The following CSMD1 variants were observed in gnomAD, a reference collection of about 807,000 sequenced individuals.
CSMD1 encodes CUB and sushi domain-containing protein 1.
In CSMD1, 213 loss-of-function variants were observed where a neutral mutation model predicts 417.5. The observed-to-expected ratio is 0.51, with a 90% confidence interval of 0.46 to 0.57. The LOEUF (loss-of-function observed/expected upper bound fraction) is 0.57. CSMD1 is among the 20% of genes least tolerant of loss of function. CSMD1 has a pLI of 0.00. For missense variants in CSMD1, 6,923 were observed against 4,529.7 expected (o/e 1.53, Z -15.17); for synonymous variants, 2,862 against 1,736.8 (o/e 1.65, Z -16.11).
chr8:4,838,012 A>G (rs541308870), intron 1 of CSMD1, among the ~76,000 whole-genome samples: 2 of 152,166 alleles, frequency 1.3e-5, no homozygotes, highest in South Asian at 2.1e-4. Context: ...TCTCTGTTCT[A>G]TGGGCCCAGG....
Position 3,896,910 on chromosome 8 carries a change from TAAC to T in CSMD1, c.818+100990_818+100992del, listed in dbSNP as rs1391121769. Among the ~76,000 whole-genome samples, 4 of 152,154 alleles carry T rather than the reference TAAC, an allele frequency of 2.6e-5. No homozygotes were observed. In the East Asian group the frequency reaches 7.7e-4, roughly 29 times the overall value. Reference sequence around the variant, plus strand: ...TTCTATTTGATGTTTGGTTCTCCAATAACAACCTCTATCTCACAAATCATGTCA... The same window carrying T: ...TTCTATTTGATGTTTGGTTCTCCAATAACCTCTATCTCACAAATCATGTCA... On this transcript the variant is annotated intron_variant, in intron 5 of 69. Coordinates refer to ENST00000635120, the MANE Select transcript of CSMD1 (RefSeq NM_033225.6).
rs116751866 is a variant in CSMD1, at chr8:3,644,912, T to C, written c.1010-28115A>G. Among the ~76,000 whole-genome samples, 35 of 145,222 alleles carry C rather than the reference T, an allele frequency of 2.4e-4. No homozygotes were observed. The East Asian group carries it at 3.2e-3, about 13-fold the overall frequency. ...GTGATTAGACAAAACACTGGTAGAA[T>C]TGCCCACATTTTCCCTGGAAATTCC... is the stretch of plus-strand genomic sequence containing the variant. On this transcript the variant is annotated intron_variant, in intron 7 of 69. Transcript: ENST00000635120.
intron 9 of CSMD1, among the ~76,000 whole-genome samples, 196 bp downstream of exon 9, chr8:3,585,940 A>T (rs1800580166): frequency 6.6e-6 from 1 of 152,196 alleles, no homozygotes; most frequent in Admixed American, 6.5e-5. Context: ...ACACAAAAAT[A>T]TTCTTGGAAA....
chr8:3,403,493 T>G (rs1233060621), intron 15 of CSMD1, among the ~76,000 whole-genome samples: 1 of 152,232 alleles, frequency 6.6e-6, no homozygotes, highest in African/African-American at 2.4e-5. Flanking sequence ...TAACTTTTTC[T>G]TTCTGCCGAG....
At chr8:4,150,893 G>T (rs150857008) in intron 3 of CSMD1, among the ~76,000 whole-genome samples, 3 of 8,076 alleles carry the variant, frequency 3.7e-4, no homozygotes, top group Non-Finnish European at 1.0e-3. Context: ...AAACGCCTGA[G>T]AAAGAGCAAT....
chr8:4,011,488 T>C (rs866433402), intron 4 of CSMD1, among the ~76,000 whole-genome samples: 1 of 152,100 alleles, frequency 6.6e-6, no homozygotes, highest in South Asian at 2.1e-4. Context: ...ACATCCTCTC[T>C]TGAACCCACT....
intron 3 of CSMD1, among the ~76,000 whole-genome samples, chr8:4,214,120 GTTTGT>G (rs149802537): frequency 0.023 from 3,562 of 152,068 alleles, 135 homozygotes; most frequent in African/African-American, 0.082. Context: ...CAGTTTTTTT[GTTTGT>G]TTTGTTTTGG....
At chr8:4,355,565 C>G (rs1486980167) in intron 3 of CSMD1, among the ~76,000 whole-genome samples, 1 of 152,044 alleles carries the variant, frequency 6.6e-6, no homozygotes, top group Non-Finnish European at 1.5e-5. Flanking sequence ...ATAACAACTG[C>G]AACAAAACTT....
chr8:3,854,741 G>C (rs572502960), intron 5 of CSMD1, among the ~76,000 whole-genome samples: 1 of 129,808 alleles, frequency 7.7e-6, no homozygotes, highest in Non-Finnish European at 1.6e-5. Flanking sequence ...AAACTCCAGA[G>C]GGGGTAAAAA....
intron 1 of CSMD1, among the ~76,000 whole-genome samples, chr8:4,851,773 G>T (rs903972512): frequency 6.6e-6 from 1 of 152,114 alleles, no homozygotes; most frequent in Non-Finnish European, 1.5e-5. Context: ...TGAGATGAAC[G>T]TACTTTTAAG....
At position 4,626,391 on chromosome 8, in the gene CSMD1, T is replaced by C. The variant is rs996651351; in HGVS notation, c.302+10951A>G. Among the ~76,000 whole-genome samples the C allele has an allele frequency of 6.6e-5, 10 of 152,132 alleles. No homozygotes were observed. In the South Asian group the frequency reaches 2.1e-3, roughly 32 times the overall value. ...AGGAAAAAGTAACAGATATTGGTTA[T>C]AAAGTATGTGGAAGGAAGTAGTAGT... On this transcript the variant is annotated intron_variant, in intron 2 of 69. Coordinates refer to ENST00000635120, the MANE Select transcript of CSMD1 (RefSeq NM_033225.6).
chr8:4,453,311 C>A (rs141287667), intron 2 of CSMD1, among the ~76,000 whole-genome samples: 22 of 152,232 alleles, frequency 1.4e-4, no homozygotes, highest in African/African-American at 4.8e-4. Flanking sequence ...AATCAACTGT[C>A]CCCAAGAATT....
chr8:3,165,982 C>T (rs772137235), intron 37 of CSMD1, among the ~76,000 whole-genome samples: 8 of 151,974 alleles, frequency 5.3e-5, no homozygotes, highest in East Asian at 3.9e-4. Flanking sequence ...GACAGAAGGT[C>T]GTCTATTGAT....
intron 6 of CSMD1, among the ~76,000 whole-genome samples, chr8:3,738,213 G>A (rs891901997): frequency 2.0e-5 from 3 of 152,120 alleles, no homozygotes; most frequent in African/African-American, 7.2e-5. Flanking sequence ...ATTATATGAA[G>A]TAGTGAATTT....
intron 2 of CSMD1, among the ~76,000 whole-genome samples, chr8:4,469,642 G>C (rs943818614): frequency 3.3e-5 from 5 of 152,106 alleles, no homozygotes; most frequent in African/African-American, 9.7e-5. Flanking sequence ...TTAGAGGCCA[G>C]TGTCTCCCCA....
chr8:4,038,482 G>C (rs1390723398), intron 3 of CSMD1, among the ~76,000 whole-genome samples: 1 of 152,060 alleles, frequency 6.6e-6, no homozygotes, highest in Non-Finnish European at 1.5e-5. Context: ...AAACTAATTT[G>C]AAAGCAAATT....
rs574307211 is a variant in CSMD1 at position 3,500,157 on chromosome 8, G to C, written c.1345-6431C>G. On this transcript the variant is annotated intron_variant, in intron 10 of 69. Transcript: ENST00000635120. ...ACGTTCATCTTTATGCTGCCATCTT[G>C]AGTTTCCATGCCTTAGAGGGTCTTC... 2.8e-4 allele frequency among the ~76,000 whole-genome samples: 42 copies of C among 152,242 alleles called. 1 individual carries two copies. Among genetic ancestry groups the C allele is most frequent in the Middle Eastern group, 3.4e-3 (1 of 294 alleles).
intron 51 of CSMD1, among the ~76,000 whole-genome samples, chr8:3,027,284 G>A (rs1332361494): frequency 6.6e-6 from 1 of 152,114 alleles, no homozygotes; most frequent in African/African-American, 2.4e-5. Context: ...CCCTGGTGTG[G>A]AATTGGTTCT....
intron 3 of CSMD1, among the ~76,000 whole-genome samples, chr8:4,210,610 CTAAT>C (rs1232515910): frequency 4.6e-5 from 7 of 151,884 alleles, no homozygotes; most frequent in Non-Finnish European, 5.9e-5. Flanking sequence ...AAAACAATAG[CTAAT>C]TAAATAATAT....
Sources: gnomAD v4.1 joint callset for allele counts (sites outside exome capture counted in the v4.1 genomes callset) on GRCh38, gnomAD v4.1.1 for gene constraint, MANE v1.5 for transcripts, NCBI Gene and HGNC (gene_info 2026-07-23, HGNC 2026-07-21) for gene names.